The following SOX5 variants were observed in gnomAD, a reference collection of about 807,000 sequenced individuals.
SOX5 encodes SRY-box transcription factor 5.
In SOX5, 9 loss-of-function variants were observed where a neutral mutation model predicts 92.0. That is an observed-to-expected ratio of 0.10 (90% CI 0.06 to 0.17). The LOEUF (loss-of-function observed/expected upper bound fraction) is 0.17. SOX5 is among the 10% of genes least tolerant of loss of function. The pLI, the probability that SOX5 is intolerant of heterozygous loss-of-function variation, is 1.00. For synonymous variants in SOX5, 344 were observed against 336.3 expected, an observed-to-expected ratio of 1.02 and a Z score of -0.25; for missense variants, 642 against 944.5, an observed-to-expected ratio of 0.68 and a Z score of 4.20.
chr12:24,428,761 C>CAAAAAAAAAAAAAA (rs1967056422), intron 1 of SOX5, among the ~76,000 whole-genome samples: 2 of 52,556 alleles, frequency 3.8e-5, no homozygotes, highest in Non-Finnish European at 4.1e-5. Context: ...AAAAAAAAAG[C>CAAAAAAAAAAAAAA]TAATTTCCTC....
In SOX5 at chr12:23,536,518, G is replaced by A. The variant is rs758044596; in HGVS notation, c.1923C>T (p.Arg641=). ...GCATGATTGCCTTGTATTCACCAAT[G>A]CGCAGCTTTTTGCCATCCACCAGGC... The part of the protein sequence containing the change: ...RTCLVDGKKL[R]IGEYKAIMRN... The change falls in exon 14 of 15, where the codon CGC becomes CGT. Residue 641 remains arginine (R), a synonymous_variant. Transcript: ENST00000451604. The A allele has an allele frequency of 2.5e-6, 4 of 1,614,182 alleles. No homozygotes were observed. Among genetic ancestry groups the A allele is most frequent in the Non-Finnish European group, 3.4e-6 (4 of 1,180,026 alleles).
intron 4 of SOX5, among the ~76,000 whole-genome samples, chr12:24,014,641 C>T (rs1184982801): frequency 6.6e-6 from 1 of 152,108 alleles, no homozygotes; most frequent in Admixed American, 6.6e-5. Context: ...CAACTCATAC[C>T]TTAAACATTG....
At chr12:24,487,606 T>C (rs1255537519) in intron 1 of SOX5, among the ~76,000 whole-genome samples, 1 of 152,186 alleles carries the variant, frequency 6.6e-6, no homozygotes, top group East Asian at 1.9e-4. Context: ...ATATGCAAGT[T>C]AAAATCCCCC....
chr12:24,223,746 C>A (rs1451590395), intron 3 of SOX5, among the ~76,000 whole-genome samples: 1 of 152,034 alleles, frequency 6.6e-6, no homozygotes, highest in Non-Finnish European at 1.5e-5. Context: ...TAGAGTGAGA[C>A]CCTATCTCAA....
At chr12:24,512,955 C>G (rs569485672) in intron 1 of SOX5, among the ~76,000 whole-genome samples, 4 of 152,286 alleles carry the variant, frequency 2.6e-5, no homozygotes, top group African/African-American at 9.6e-5. Context: ...TTACGATTTC[C>G]AATTTATGAT....
At chr12:24,399,690 T>G (rs1312352992) in intron 1 of SOX5, among the ~76,000 whole-genome samples, 3 of 152,318 alleles carry the variant, frequency 2.0e-5, no homozygotes, top group East Asian at 3.9e-4. Context: ...GCAGGAAGAC[T>G]ATGGAAGTAT....
chr12:23,709,066 CA>C (rs142394311), intron 6 of SOX5, among the ~76,000 whole-genome samples: 11,615 of 152,068 alleles, frequency 0.076, 519 homozygotes, highest in Non-Finnish European at 0.099. Flanking sequence ...AGGTTAGGGA[CA>C]AACAAAATGG....
intron 3 of SOX5, among the ~76,000 whole-genome samples, chr12:24,275,264 G>A (rs1220794929): frequency 2.6e-5 from 4 of 151,926 alleles, no homozygotes; most frequent in Non-Finnish European, 5.9e-5. Flanking sequence ...ATTATCCAGA[G>A]TTAATTATAT....
intron 1 of SOX5, chr12:23,944,436 T>G (rs1165853575): frequency 2.6e-5 from 4 of 152,028 alleles, no homozygotes; most frequent in Non-Finnish European, 4.4e-5. Context: ...AACTCTCAAT[T>G]AGTAAGTAAA....
At chr12:24,496,323 C>G (rs1330952515) in intron 1 of SOX5, among the ~76,000 whole-genome samples, 3 of 152,178 alleles carry the variant, frequency 2.0e-5, no homozygotes, top group Non-Finnish European at 1.5e-5. Context: ...TGCCTCTGTT[C>G]TTTTTGGCTT....
chr12:23,690,236 G>A (rs896321462), intron 6 of SOX5, among the ~76,000 whole-genome samples: 1 of 152,122 alleles, frequency 6.6e-6, no homozygotes, highest in African/African-American at 2.4e-5. Context: ...TAAAAGATCT[G>A]GTTACAAGAC....
At chr12:24,172,459 A>G (rs1019964975) in intron 4 of SOX5, among the ~76,000 whole-genome samples, 3 of 152,110 alleles carry the variant, frequency 2.0e-5, no homozygotes, top group Non-Finnish European at 2.9e-5. Flanking sequence ...AAATCACCTG[A>G]GCCCAGGAAG....
chr12:23,557,959 G>A (rs929031022), intron 11 of SOX5, among the ~76,000 whole-genome samples: 2 of 136,682 alleles, frequency 1.5e-5, no homozygotes, highest in African/African-American at 5.5e-5. Context: ...CTGGGTGACA[G>A]AGCGAGACTC....
In SOX5 at chr12:24,554,449, A is replaced by C. The variant is rs555149730; in HGVS notation, c.-251+7880T>G. On this transcript the variant is annotated intron_variant, in intron 1 of 4. Coordinates refer to the SOX5 transcript ENST00000446891. ...ACCCGTGCTCACTCTTCAGGAAAAA[A>C]TTATGCCAAAAGCTTCACAGTAAGC... Among the ~76,000 whole-genome samples, 5 of 152,286 alleles carry C rather than the reference A, an allele frequency of 3.3e-5. No individual in the cohort carries two copies. The South Asian group carries it at 1.0e-3, about 32-fold the overall frequency.
intron 4 of SOX5, among the ~76,000 whole-genome samples, chr12:24,162,325 T>C (rs564871908): frequency 4.6e-5 from 7 of 152,236 alleles, no homozygotes; most frequent in East Asian, 1.9e-4. Context: ...TGCATATTAT[T>C]TAAGTACACT....
intron 3 of SOX5, among the ~76,000 whole-genome samples, chr12:23,837,950 T>C (rs2096452020): frequency 8.2e-6 from 1 of 121,986 alleles, no homozygotes; most frequent in Non-Finnish European, 1.6e-5. Context: ...TTTATATTTA[T>C]ATAGTATATG....
chr12:24,148,527 G>C (rs1408506395), intron 4 of SOX5, among the ~76,000 whole-genome samples: 2 of 132,738 alleles, frequency 1.5e-5, no homozygotes, highest in Non-Finnish European at 3.2e-5. Context: ...GAGACAAACA[G>C]ATCAATAGAA....
At chr12:24,031,199 T>TTATATATATA (rs57044625) in intron 4 of SOX5, among the ~76,000 whole-genome samples, 19 of 147,472 alleles carry the variant, frequency 1.3e-4, no homozygotes, top group African/African-American at 3.5e-4. Context: ...CTGCTACTAG[T>TTATATATATA]TATATATATA....
upstream of SOX5, among the ~76,000 whole-genome samples, chr12:23,955,973 TA>T (rs1329743819): frequency 6.6e-6 from 1 of 152,202 alleles, no homozygotes; most frequent in East Asian, 1.9e-4. Context: ...TCTTGTTAGG[TA>T]ATGTCTATAA....
Sources: allele counts gnomAD v4.1 joint callset (sites outside exome capture counted in the v4.1 genomes callset), GRCh38; gene constraint gnomAD v4.1.1; transcripts MANE v1.5; gene names NCBI Gene and HGNC (gene_info 2026-07-23, HGNC 2026-07-21).